Variants in GNAT2 observed in about 807,000 individuals in gnomAD.
GNAT2 encodes G protein subunit alpha transducin 2.
In GNAT2, 32 loss-of-function variants were observed where a neutral mutation model predicts 40.9. That is an observed-to-expected ratio of 0.78 (90% CI 0.59 to 1.05). GNAT2 has a LOEUF of 1.05. Ranked by LOEUF, GNAT2 falls within the 50% of genes least tolerant of loss-of-function variation. GNAT2 has a pLI of 0.00. For synonymous variants in GNAT2, 141 were observed against 157.2 expected (o/e 0.90, Z 0.77); for missense variants, 355 against 431.5 (o/e 0.82, Z 1.57).
chr1:109,613,340 T>C, intron 1 of GNAT2: 1 of 231,024 alleles, frequency 4.3e-6, no homozygotes, highest in Non-Finnish European at 8.7e-6. Context: ...TAGAAAGCAT[T>C]CCTTATGTTG....
chr1:109,609,846 C>T, intron 4 of GNAT2, 194 bp downstream of exon 4: 1 of 643,742 alleles, frequency 1.6e-6, no homozygotes, highest in East Asian at 2.7e-5. Context: ...ACCTTAAGGT[C>T]TTACTGCGTA....
intron 6 of GNAT2, 36 bp downstream of exon 6, chr1:109,606,272 G>A (rs199969527): frequency 4.3e-5 from 69 of 1,610,088 alleles, no homozygotes; most frequent in South Asian, 5.5e-5. Context: ...GATTCCACAC[G>A]TGTATCCGAG....
intron 5 of GNAT2, 169 bp downstream of exon 5, chr1:109,608,462 C>T: frequency 1.4e-6 from 1 of 702,968 alleles, no homozygotes; most frequent in Non-Finnish European, 2.6e-6. Context: ...GCATTAAATT[C>T]AAAACATTGC....
At chr1:109,615,620 A>AAGAAAAG (rs1649931860) in intron 1 of GNAT2, 6 of 126,804 alleles carry the variant, frequency 4.7e-5, no homozygotes, top group South Asian at 4.7e-4. Context: ...AAAAAAAAAA[A>AAGAAAAG]AAAAGAAAAG....
At chr1:109,608,356 C>T (rs1348475331) in intron 5 of GNAT2, 1 of 502,230 alleles carries the variant, frequency 2.0e-6, no homozygotes, top group Non-Finnish European at 3.6e-6. Context: ...CTAGGCAGAA[C>T]ACGTCTTTTG....
intron 2 of GNAT2, 115 bp downstream of exon 2, chr1:109,612,638 G>A (rs961960559): frequency 2.6e-6 from 2 of 765,312 alleles, no homozygotes; most frequent in South Asian, 1.4e-5. Flanking sequence ...GTGTAGAGGA[G>A]AGGAAAAATG....
intron 7 of GNAT2, 117 bp downstream of exon 7, chr1:109,605,853 G>T: frequency 1.1e-6 from 1 of 880,332 alleles, no homozygotes; most frequent in Non-Finnish European, 1.9e-6. Flanking sequence ...TTGGTCTGCT[G>T]GAGGGCTGCT....
intron 7 of GNAT2, chr1:109,604,386 G>A (rs1649530418): frequency 2.2e-6 from 1 of 444,762 alleles, no homozygotes; most frequent in Non-Finnish European, 4.2e-6. Flanking sequence ...GATTGTGTAT[G>A]TATATTGTCC....
intron 2 of GNAT2, 49 bp from the exon 3 acceptor site, chr1:109,610,556 C>T (rs752437712): frequency 1.9e-6 from 3 of 1,541,720 alleles, no homozygotes; most frequent in Admixed American, 1.7e-5. Context: ...TTCTCCTCAG[C>T]CTTCCAGGAG....
intron 5 of GNAT2, chr1:109,608,368 A>G (rs1200453858): frequency 1.9e-6 from 1 of 529,924 alleles, no homozygotes; most frequent in Non-Finnish European, 3.4e-6. Flanking sequence ...CGTCTTTTGA[A>G]TTTTGCATCT....
Position 109,603,471 on chromosome 1 carries a change from GAC to G in GNAT2, c.946_947del (p.Val316GlnfsTer21). The G allele has an allele frequency of 6.2e-7, 1 of 1,604,850 alleles. No homozygotes were observed. The highest frequency in any genetic ancestry group is 8.5e-7 in the Non-Finnish European group (1 of 1,171,604). ...AGGTCATGTGACTGTAGATTTCTTT[GAC>G]ATCTTTTCGCATATTGAGGTCAAGG... The part of the protein sequence containing the change: ...QFLDLNMRKD[V>X]KEIYSHMTCA... On this transcript the variant is annotated frameshift_variant, in exon 9 of 9. Coordinates refer to ENST00000679935, the MANE Select transcript of GNAT2 (RefSeq NM_001377295.2). LOFTEE classifies it high-confidence loss of function.
intron 1 of GNAT2, 38 bp from the exon 2 acceptor site, chr1:109,612,961 TTG>T: frequency 4.5e-6 from 4 of 894,442 alleles, no homozygotes; most frequent in Non-Finnish European, 7.5e-6. Flanking sequence ...AAAGTTGGGA[TTG>T]AGTATCCCAA....
intron 1 of GNAT2, 65 bp from the exon 2 acceptor site, chr1:109,612,988 A>C: frequency 3.9e-6 from 3 of 772,232 alleles, no homozygotes; most frequent in Admixed American, 1.7e-5. Context: ...GCTCCCCTAA[A>C]AGCTGGTCTG....
Position 109,603,948 on chromosome 1 carries a change from T to G in GNAT2, c.874+3A>C. ...ATTATTATTTCCAGCCCCTGACACT[T>G]ACCATCATACTCTGGAAAACAAATG... On this transcript the variant is annotated splice_donor_region_variant and intron_variant, in intron 8 of 8. Coordinates refer to ENST00000679935, the MANE Select transcript of GNAT2 (RefSeq NM_001377295.2). 1 of 1,595,354 alleles carries G rather than the reference T, an allele frequency of 6.3e-7. No individual in the cohort carries two copies. The highest frequency in any genetic ancestry group is 8.6e-7 in the Non-Finnish European group (1 of 1,163,616).
At chr1:109,610,829 A>T (rs1323798920) in intron 2 of GNAT2, 4 of 437,228 alleles carry the variant, frequency 9.1e-6, no homozygotes, top group Non-Finnish European at 1.7e-5. Context: ...GTGTCTCCAG[A>T]CATTTCCAAA....
intron 4 of GNAT2, chr1:109,609,489 G>T: frequency 5.6e-6 from 1 of 178,962 alleles, no homozygotes; most frequent in Non-Finnish European, 1.2e-5. Flanking sequence ...TTAAAAAATA[G>T]CTGGGTGTGG....
At position 109,604,021 on chromosome 1, in the gene GNAT2, G is replaced by T; in HGVS notation, c.804C>A (p.Leu268=). The T allele has an allele frequency of 6.2e-7, 1 of 1,607,878 alleles. No individual in the cohort carries two copies. Among genetic ancestry groups the T allele is most frequent in the Non-Finnish European group, 8.5e-7 (1 of 1,174,308 alleles). Reference sequence around the variant, plus strand: ...TTTCCTCAAAGAGGTCCTTCTTGTTGAGAAAGAGGACAATGGAAGTAGCCG... The same window carrying T: ...TTTCCTCAAAGAGGTCCTTCTTGTTTAGAAAGAGGACAATGGAAGTAGCCG... The part of the protein sequence containing the change: ...FFAATSIVLF[L]NKKDLFEEKI... Residue 268 remains leucine, a synonymous_variant, in exon 8 of 9, where the codon CTC becomes CTA. Transcript: ENST00000679935.
At chr1:109,613,636 AC>A (rs377040114) in intron 1 of GNAT2, 1 of 153,120 alleles carries the variant, frequency 6.5e-6, no homozygotes, top group African/African-American at 2.4e-5. Context: ...CTGGAGCTCA[AC>A]GGACCAAATC....
Position 109,606,404 on chromosome 1 carries a change from G to T in GNAT2, c.494C>A (p.Pro165His), listed in dbSNP as rs1418297249. The T allele has an allele frequency of 1.2e-6, 2 of 1,612,526 alleles. No individual in the cohort carries two copies. The highest frequency in any genetic ancestry group is 2.2e-5 in the East Asian group (1 of 44,878). Residue 165 changes from proline (P) to histidine (H), a missense_variant, in exon 6 of 9, where the codon CCT (proline) becomes CAT (histidine). Physicochemically the swap from Pro to His is moderately conservative, Grantham distance 77. Coordinates refer to ENST00000679935, the MANE Select transcript of GNAT2 (RefSeq NM_001377295.2). ...ATCTTGCTCACTAGGGAGGTACTCAGGGTCTGTAATTCGTTCTAATTGGTT... is the reference window on the plus strand; with the variant it reads ...ATCTTGCTCACTAGGGAGGTACTCATGGTCTGTAATTCGTTCTAATTGGTT... ...YLNQLERITD[P>H]EYLPSEQDVL...
Sources: gnomAD v4.1 joint callset for allele counts on GRCh38, gnomAD v4.1.1 for gene constraint, MANE v1.5 for transcripts, NCBI Gene and HGNC (gene_info 2026-07-23, HGNC 2026-07-21) for gene names.